FRMD4A: variants seen among roughly 807,000 people sequenced by gnomAD.
FRMD4A encodes the protein FERM domain-containing protein 4A.
FRMD4A carries 29 observed loss-of-function variants against 129.1 expected under a neutral mutation model. That is an observed-to-expected ratio of 0.22 (90% CI 0.17 to 0.31). FRMD4A has a LOEUF of 0.31. Among genes scored for constraint, FRMD4A ranks in the 10% least tolerant of loss-of-function variants. The pLI is 1.00. For synonymous variants in FRMD4A, 634 were observed against 571.6 expected (o/e 1.11, Z -1.56); for missense variants, 1,272 against 1,375.8 (o/e 0.92, Z 1.19).
intron 2 of FRMD4A, among the ~76,000 whole-genome samples, chr10:14,254,875 A>G (rs917278817): frequency 2.6e-5 from 4 of 152,296 alleles, no homozygotes; most frequent in African/African-American, 9.6e-5. Context: ...CAAATGTTCA[A>G]GAAAAATTCC....
intron 2 of FRMD4A, among the ~76,000 whole-genome samples, chr10:14,186,300 C>T (rs951873298): frequency 1.3e-5 from 2 of 152,192 alleles, no homozygotes; most frequent in African/African-American, 2.4e-5. Flanking sequence ...CCACACGTTT[C>T]GTACTAACGC....
intron 2 of FRMD4A, among the ~76,000 whole-genome samples, chr10:13,884,046 C>G (rs17136978): frequency 0.037 from 5,652 of 151,676 alleles, 184 homozygotes; most frequent in South Asian, 0.19. Context: ...TCTCGAACTA[C>G]AAGGAAACTA....
At chr10:13,649,088 G>A (rs1448828645) in intron 24 of FRMD4A, 1 of 152,198 alleles carries the variant, frequency 6.6e-6, no homozygotes, top group East Asian at 1.9e-4. Context: ...AACACACTTT[G>A]AAAAATACTC....
chr10:14,251,923 G>T (rs1030485287), intron 2 of FRMD4A, among the ~76,000 whole-genome samples: 40 of 152,208 alleles, frequency 2.6e-4, no homozygotes, highest in African/African-American at 9.4e-4. Context: ...ACAGAGCCTG[G>T]CAGAGAGTAA....
At chr10:14,138,439 C>T (rs541338617) in intron 2 of FRMD4A, among the ~76,000 whole-genome samples, 8 of 152,274 alleles carry the variant, frequency 5.3e-5, no homozygotes, top group South Asian at 4.1e-4. Context: ...AACTTCCTAA[C>T]GCGTTGGGAT....
chr10:13,807,029 G>A lies in FRMD4A; in HGVS notation c.206+3785C>T, dbSNP rs547217819. ...TCACCGTGTTAGCCAGGATGGTCTC[G>A]ATCTCCTGACCTCATGATCCGCCCA... On this transcript the variant is annotated intron_variant, in intron 4 of 24. Transcript: ENST00000357447. Among the ~76,000 whole-genome samples the A allele has an allele frequency of 3.2e-4, 49 of 152,210 alleles. No individual in the cohort carries two copies. The South Asian group carries it at 9.6e-3, about 30-fold the overall frequency.
chr10:13,942,550 A>G (rs1033041884), intron 2 of FRMD4A, among the ~76,000 whole-genome samples: 1 of 152,248 alleles, frequency 6.6e-6, no homozygotes, highest in Non-Finnish European at 1.5e-5. Context: ...TAGAAAAGGT[A>G]CGAATGAATT....
chr10:14,047,150 A>G (rs1040702581), intron 2 of FRMD4A, among the ~76,000 whole-genome samples: 14 of 152,206 alleles, frequency 9.2e-5, no homozygotes, highest in Non-Finnish European at 1.6e-4. Context: ...TCATTGAGTA[A>G]AGAATAGACT....
At chr10:14,056,299 T>C (rs1834527211) in intron 2 of FRMD4A, among the ~76,000 whole-genome samples, 1 of 152,206 alleles carries the variant, frequency 6.6e-6, no homozygotes, top group Admixed American at 6.5e-5. Flanking sequence ...CCTAAAGTGC[T>C]GGGATTACAG....
At chr10:13,719,938 T>C (rs2089260811) in intron 12 of FRMD4A, among the ~76,000 whole-genome samples, 1 of 152,200 alleles carries the variant, frequency 6.6e-6, no homozygotes, top group Non-Finnish European at 1.5e-5. Flanking sequence ...ATTTTTATGC[T>C]TTTCATTTTT....
intron 2 of FRMD4A, among the ~76,000 whole-genome samples, chr10:13,884,176 T>A (rs12266340): frequency 0.096 from 2,925 of 30,594 alleles, 115 homozygotes; most frequent in African/African-American, 0.21. Flanking sequence ...ACTCACACAC[T>A]CACACACACA....
chr10:13,713,722 T>C (rs574930516), intron 12 of FRMD4A, among the ~76,000 whole-genome samples: 1 of 149,818 alleles, frequency 6.7e-6, no homozygotes, highest in Admixed American at 6.8e-5. Flanking sequence ...GGTTTTGCTA[T>C]TGGAGCACAG....
At chr10:13,673,405 T>C (rs954027291) in intron 16 of FRMD4A, among the ~76,000 whole-genome samples, 7 of 152,180 alleles carry the variant, frequency 4.6e-5, no homozygotes, top group Non-Finnish European at 1.0e-4. Context: ...GGCCTTAGTG[T>C]TTGGGGGAGG....
intron 2 of FRMD4A, among the ~76,000 whole-genome samples, chr10:14,043,270 G>A (rs1833857499): frequency 6.6e-6 from 1 of 152,134 alleles, no homozygotes; most frequent in African/African-American, 2.4e-5. Context: ...AGAAATTCTA[G>A]CCATATGTCC....
intron 2 of FRMD4A, among the ~76,000 whole-genome samples, chr10:13,893,398 TCTC>T (rs1354187817): frequency 6.6e-6 from 1 of 152,174 alleles, no homozygotes; most frequent in African/African-American, 2.4e-5. Flanking sequence ...TTGGAGCCCA[TCTC>T]CTTGTGTTCT....
intron 15 of FRMD4A, among the ~76,000 whole-genome samples, chr10:13,686,436 T>G (rs1485608480): frequency 6.6e-6 from 1 of 152,214 alleles, no homozygotes. Flanking sequence ...CATTGTTACA[T>G]TAGTTATTAA....
chr10:14,244,317 G>A (rs1844157283), intron 2 of FRMD4A, among the ~76,000 whole-genome samples: 4 of 152,108 alleles, frequency 2.6e-5, no homozygotes. Flanking sequence ...CTTCCCTCTG[G>A]CCCCCTTGTG....
At chr10:14,022,716 T>C (rs183717927) in intron 2 of FRMD4A, among the ~76,000 whole-genome samples, 1 of 152,070 alleles carries the variant, frequency 6.6e-6, no homozygotes, top group East Asian at 1.9e-4. Flanking sequence ...AAGTCAAAGA[T>C]GCACACTGGG....
chr10:14,047,685 C>T (rs756160966), intron 2 of FRMD4A, among the ~76,000 whole-genome samples: 1 of 152,200 alleles, frequency 6.6e-6, no homozygotes, highest in South Asian at 2.1e-4. Context: ...TGAAACTTCA[C>T]GTCTGCAAAG....
Sources: allele counts gnomAD v4.1 joint callset (sites outside exome capture counted in the v4.1 genomes callset), GRCh38; gene constraint gnomAD v4.1.1; transcripts MANE v1.5; gene names NCBI Gene and HGNC (gene_info 2026-07-23, HGNC 2026-07-21).